Variants in CAMK1D observed in about 807,000 individuals in gnomAD.
The protein encoded by CAMK1D is calcium/calmodulin dependent protein kinase ID, also known as calcium/calmodulin-dependent protein kinase type 1D.
Under a neutral mutation model 47.7 loss-of-function variants are expected in CAMK1D, and 9 were observed. That is an observed-to-expected ratio of 0.19 (90% CI 0.11 to 0.33). The LOEUF (loss-of-function observed/expected upper bound fraction) is 0.33. Ranked by LOEUF, CAMK1D falls within the 10% of genes least tolerant of loss-of-function variation. The pLI is 1.00. For synonymous variants in CAMK1D, 184 were observed against 184.9 expected (o/e 0.99, Z 0.04); for missense variants, 291 against 488.7 (o/e 0.60, Z 3.81).
intron 3 of CAMK1D, among the ~76,000 whole-genome samples, chr10:12,686,881 C>T (rs1239815606): frequency 6.6e-6 from 1 of 152,174 alleles, no homozygotes; most frequent in Non-Finnish European, 1.5e-5. Context: ...ATAAAAATCA[C>T]TTCCCAGATC....
rs867827639 is a variant in CAMK1D at position 12,809,133 on chromosome 10, A to G, written c.642-5062A>G. 3.0e-3 allele frequency among the ~76,000 whole-genome samples: 450 copies of G among 151,536 alleles called. 1 individual carries two copies. The highest frequency in any genetic ancestry group is 0.01 in the African/African-American group (416 of 41,232). On this transcript the variant is annotated intron_variant, in intron 6 of 10. Coordinates refer to ENST00000619168, the MANE Select transcript of CAMK1D (RefSeq NM_153498.4). Reference sequence around the variant, plus strand: ...CTCTGTCTCAAAAAAAAAAAAATCCATACAGAAATACTTTTTAAAAATCAC... The same window carrying G: ...CTCTGTCTCAAAAAAAAAAAAATCCGTACAGAAATACTTTTTAAAAATCAC...
At chr10:12,438,523 A>G (rs1042097853) in intron 1 of CAMK1D, among the ~76,000 whole-genome samples, 5 of 152,306 alleles carry the variant, frequency 3.3e-5, no homozygotes, top group East Asian at 1.9e-4. Context: ...ATTCCTGGAC[A>G]TATCTTTCTT....
At chr10:12,672,361 A>T (rs896651444) in intron 3 of CAMK1D, among the ~76,000 whole-genome samples, 5 of 151,686 alleles carry the variant, frequency 3.3e-5, no homozygotes, top group African/African-American at 1.2e-4. Flanking sequence ...GACGTTACAT[A>T]ATTTTAGCTT....
At chr10:12,625,024 T>TC (rs1839165350) in intron 2 of CAMK1D, among the ~76,000 whole-genome samples, 1 of 137,770 alleles carries the variant, frequency 7.3e-6, no homozygotes, top group African/African-American at 2.5e-5. Context: ...TCCTCCTCCT[T>TC]TCTTCTTCTT....
intron 1 of CAMK1D, among the ~76,000 whole-genome samples, chr10:12,525,867 C>G (rs1835604859): frequency 6.6e-6 from 1 of 152,166 alleles, no homozygotes; most frequent in South Asian, 2.1e-4. Flanking sequence ...AGGCAATTCT[C>G]TTGCCTCAAC....
intron 5 of CAMK1D, among the ~76,000 whole-genome samples, chr10:12,788,493 C>T (rs193163786): frequency 1.4e-4 from 21 of 152,324 alleles, no homozygotes; most frequent in Non-Finnish European, 2.4e-4. Flanking sequence ...GTCAGCTCTG[C>T]GGGAGGGGAA....
At chr10:12,493,972 G>A (rs1834462742) in intron 1 of CAMK1D, among the ~76,000 whole-genome samples, 1 of 152,188 alleles carries the variant, frequency 6.6e-6, no homozygotes, top group South Asian at 2.1e-4. Flanking sequence ...ATTGGACGGA[G>A]GTGAGGGGAA....
At chr10:12,523,932 G>A (rs976105146) in intron 1 of CAMK1D, among the ~76,000 whole-genome samples, 3 of 151,606 alleles carry the variant, frequency 2.0e-5, no homozygotes, top group Non-Finnish European at 4.4e-5. Flanking sequence ...ATGGAGTCTC[G>A]CTCTGTTGCC....
intron 2 of CAMK1D, among the ~76,000 whole-genome samples, chr10:12,573,023 A>G (rs1837374715): frequency 6.6e-6 from 1 of 152,248 alleles, no homozygotes; most frequent in Admixed American, 6.5e-5. Context: ...GCGAGTGTTT[A>G]AAGTCTCATT....
intron 1 of CAMK1D, among the ~76,000 whole-genome samples, chr10:12,465,568 T>C (rs1833566247): frequency 6.6e-6 from 1 of 152,354 alleles, no homozygotes; most frequent in African/African-American, 2.4e-5. Flanking sequence ...TTGGCCAGGC[T>C]GGTTTTGAAC....
chr10:12,571,310 A>G (rs925737583), intron 2 of CAMK1D, among the ~76,000 whole-genome samples: 1 of 151,774 alleles, frequency 6.6e-6, no homozygotes, highest in Non-Finnish European at 1.5e-5. Context: ...TCAGCCGGGC[A>G]TGGTGGCGCG....
intron 1 of CAMK1D, among the ~76,000 whole-genome samples, chr10:12,462,040 T>C (rs562309150): frequency 6.6e-6 from 1 of 152,290 alleles, no homozygotes; most frequent in African/African-American, 2.4e-5. Flanking sequence ...AGCGAAAGAA[T>C]GAGTGCGTGC....
At chr10:12,393,715 C>G (rs1838831994) in intron 1 of CAMK1D, among the ~76,000 whole-genome samples, 1 of 152,176 alleles carries the variant, frequency 6.6e-6, no homozygotes, top group Non-Finnish European at 1.5e-5. Context: ...AGCATGTGTC[C>G]AAACTTGAGG....
intron 1 of CAMK1D, among the ~76,000 whole-genome samples, chr10:12,458,165 C>G (rs11257805): frequency 0.16 from 23,880 of 152,216 alleles, 1,967 homozygotes; most frequent in South Asian, 0.26. Context: ...TACCGAGCCT[C>G]TCCCATGCAC....
chr10:12,582,834 T>A (rs12569802), intron 2 of CAMK1D, among the ~76,000 whole-genome samples: 8,208 of 152,242 alleles, frequency 0.054, 292 homozygotes, highest in East Asian at 0.15. Context: ...AGACAGTGAG[T>A]CCCAGGAAAA....
chr10:12,605,364 GTGTA>G lies in CAMK1D; in HGVS notation c.224+52012_224+52015del, dbSNP rs1554795847. Among the ~76,000 whole-genome samples the G allele has an allele frequency of 1.5e-4, 23 of 151,448 alleles. 1 individual carries two copies. The highest frequency in any genetic ancestry group is 5.9e-4 in the East Asian group (3 of 5,084). On this transcript the variant is annotated intron_variant, in intron 2 of 10. Transcript: ENST00000619168. ...TGTGTGTGTGTGTGTGTGTGTGTGT[GTGTA>G]TGTGTGTCAAAGAGAGAGACAGACA...
intron 3 of CAMK1D, among the ~76,000 whole-genome samples, chr10:12,712,380 G>T (rs1488170413): frequency 6.6e-6 from 1 of 152,234 alleles, no homozygotes; most frequent in Non-Finnish European, 1.5e-5. Context: ...CCATGGAGGG[G>T]CACACAGGGT....
chr10:12,532,515 G>A (rs1248873050), intron 1 of CAMK1D, among the ~76,000 whole-genome samples: 4 of 152,158 alleles, frequency 2.6e-5, no homozygotes, highest in African/African-American at 4.8e-5. Flanking sequence ...TCCTGACCTC[G>A]TGATCCGTCC....
At chr10:12,785,971 C>T (rs1241924820) in intron 5 of CAMK1D, among the ~76,000 whole-genome samples, 1 of 152,110 alleles carries the variant, frequency 6.6e-6, no homozygotes, top group African/African-American at 2.4e-5. Context: ...CCCGGTTTGG[C>T]CACCATATCA....
Sources: gnomAD v4.1 joint callset for allele counts (sites outside exome capture counted in the v4.1 genomes callset) on GRCh38, gnomAD v4.1.1 for gene constraint, MANE v1.5 for transcripts, NCBI Gene and HGNC (gene_info 2026-07-23, HGNC 2026-07-21) for gene names.